SPATS1: variants seen among roughly 807,000 people sequenced by gnomAD.
SPATS1 encodes spermatogenesis-associated serine-rich protein 1.
A neutral mutation model predicts 33.6 loss-of-function variants in SPATS1; 23 were observed. That is an observed-to-expected ratio of 0.68 (90% CI 0.49 to 0.97). SPATS1 has a LOEUF of 0.97. Among genes scored for constraint, SPATS1 ranks in the 50% least tolerant of loss-of-function variants. The probability of loss-of-function intolerance (pLI) is 0.00; values close to 1 mark genes in which losing one functional copy is unlikely to be tolerated. For missense variants in SPATS1, 327 were observed against 361.0 expected, an observed-to-expected ratio of 0.91 and a Z score of 0.76; for synonymous variants, 131 against 125.6, an observed-to-expected ratio of 1.04 and a Z score of -0.29.
intron 2 of SPATS1, 30 bp downstream of exon 2, chr6:44,343,264 G>C (rs768465282): frequency 3.1e-6 from 5 of 1,612,404 alleles, no homozygotes; most frequent in Non-Finnish European, 4.2e-6. Flanking sequence ...AGGCTGTGGA[G>C]TTGGTGGCCA....
chr6:44,359,334 G>A (rs1315639502), intron 3 of SPATS1, among the ~76,000 whole-genome samples: 1 of 152,120 alleles, frequency 6.6e-6, no homozygotes, highest in Non-Finnish European at 1.5e-5. Context: ...CATCACCATT[G>A]TCTATTTTCA....
At chr6:44,362,201 T>C (rs1788965337) in intron 5 of SPATS1, among the ~76,000 whole-genome samples, 1 of 152,202 alleles carries the variant, frequency 6.6e-6, no homozygotes, top group Admixed American at 6.5e-5. Flanking sequence ...CCACATTTTC[T>C]TTTTTCTCTG....
At position 44,377,938 on chromosome 6, in the gene SPATS1, C is replaced by T. The variant is rs1345843144; in HGVS notation, c.*875C>T. ...TGCATTTTGGGGTGGGGAGGACAAA[C>T]ATTTAGACCATAGCAGTGAACTTTC... is the stretch of plus-strand genomic sequence containing the variant. On this transcript the variant is annotated 3_prime_UTR_variant, in exon 9 of 9. Transcript: ENST00000674044. 6.6e-6 allele frequency: 1 copy of T among 152,186 alleles called. No individual in the cohort carries two copies. The highest frequency in any genetic ancestry group is 2.4e-5 in the African/African-American group (1 of 41,442). The allele number at this position is 152,186 out of a possible 1,614,324, so 9.4% of individuals were successfully genotyped here.
At chr6:44,360,974 TATAA>T (rs546461931) in intron 4 of SPATS1, among the ~76,000 whole-genome samples, 1 of 152,188 alleles carries the variant, frequency 6.6e-6, no homozygotes, top group Non-Finnish European at 1.5e-5. Context: ...TACAAACTGG[TATAA>T]ATAGATCATG....
chr6:44,349,850 A>G (rs1431899273), intron 2 of SPATS1, among the ~76,000 whole-genome samples: 7 of 152,190 alleles, frequency 4.6e-5, no homozygotes, highest in African/African-American at 1.7e-4. Context: ...GCTTATGGAT[A>G]CTTTTTGGCT....
chr6:44,373,276 C>G (rs1332356001), intron 7 of SPATS1, among the ~76,000 whole-genome samples: 1 of 152,144 alleles, frequency 6.6e-6, no homozygotes, highest in Non-Finnish European at 1.5e-5. Context: ...GAATGTGCCT[C>G]CAGGCAAAGC....
intron 5 of SPATS1, among the ~76,000 whole-genome samples, chr6:44,365,366 A>G (rs1583090399): frequency 6.6e-6 from 1 of 152,322 alleles, no homozygotes. Flanking sequence ...TTCCCACAGT[A>G]CAGCATATTG....
At chr6:44,371,988 T>G (rs1163085193) in intron 7 of SPATS1, among the ~76,000 whole-genome samples, 2 of 149,180 alleles carry the variant, frequency 1.3e-5, no homozygotes, top group African/African-American at 5.0e-5. Context: ...CCGGGCATGA[T>G]GGCTCACTCC....
chr6:44,354,351 AAATAAATAAATAAATAAATAAATG>A (rs1309379696), intron 3 of SPATS1, among the ~76,000 whole-genome samples: 4 of 71,942 alleles, frequency 5.6e-5, no homozygotes, highest in African/African-American at 2.0e-4. Context: ...ATAAATAAAT[AAATAAATAAATAAATAAATAAATG>A]TCACTATAAT....
intron 7 of SPATS1, among the ~76,000 whole-genome samples, chr6:44,371,818 G>A (rs555042730): frequency 6.6e-5 from 10 of 151,708 alleles, no homozygotes; most frequent in Non-Finnish European, 7.4e-5. Flanking sequence ...GGTGGCAGGC[G>A]CCTGTGGTCC....
chr6:44,364,906 T>A (rs1449522005), intron 5 of SPATS1, among the ~76,000 whole-genome samples: 3 of 152,070 alleles, frequency 2.0e-5, no homozygotes, highest in African/African-American at 7.2e-5. Context: ...CAAGCAATTC[T>A]CATGTCTCAG....
At position 44,379,599 on chromosome 6, in the gene SPATS1, CAAAAAAAAAA is replaced by C. The variant is rs55976441; in HGVS notation, c.*2555_*2564del. Among the ~76,000 whole-genome samples, 7 of 54,744 alleles carry C rather than the reference CAAAAAAAAAA, an allele frequency of 1.3e-4. No individual in the cohort carries two copies. The highest frequency in any genetic ancestry group is 9.3e-5 in the Non-Finnish European group (3 of 32,098). 35.9% of individuals were successfully genotyped at this position (54,744 alleles called of 152,430 possible). A position where few individuals can be genotyped will look rare whatever the true frequency, so the allele number is the denominator to read the frequency against. ...TGGGCAACAGAGTGAGACTCTGTCT[CAAAAAAAAAA>C]AAAAAAAAAAAAAAAAAAGAAAGAA... On this transcript the variant is annotated 3_prime_UTR_variant, in exon 9 of 9. Coordinates refer to ENST00000674044, the MANE Select transcript of SPATS1 (RefSeq NM_001372081.1).
rs1166090060 is a variant in SPATS1 at position 44,369,776 on chromosome 6, G to T, written c.696-275G>T. Among the ~76,000 whole-genome samples, 3 of 152,154 alleles carry T rather than the reference G, an allele frequency of 2.0e-5. No individual in the cohort carries two copies. In the East Asian group the frequency reaches 5.8e-4, roughly 29 times the overall value. ...AATCCCAGCTACTTGGGAGGCTGAG[G>T]TGGGAGGATCACCTGAGCCTGAAAG... is the stretch of plus-strand genomic sequence containing the variant. On this transcript the variant is annotated intron_variant, in intron 6 of 8. Coordinates refer to ENST00000674044, the MANE Select transcript of SPATS1 (RefSeq NM_001372081.1).
At chr6:44,362,071 T>C in intron 5 of SPATS1, 79 bp downstream of exon 5, 12 of 1,563,862 alleles carry the variant, frequency 7.7e-6, no homozygotes, top group Non-Finnish European at 1.1e-5. Context: ...CTGCATTCTG[T>C]AGCTGGGGGC....
intron 1 of SPATS1, 95 bp downstream of exon 1, chr6:44,342,863 T>C: frequency 7.7e-7 from 1 of 1,297,242 alleles, no homozygotes; most frequent in Non-Finnish European, 1.1e-6. Flanking sequence ...TTGAGCTGGA[T>C]GGGGGCTGCA....
At chr6:44,376,787 C>A (rs529028937) in intron 8 of SPATS1, among the ~76,000 whole-genome samples, 2 of 151,936 alleles carry the variant, frequency 1.3e-5, no homozygotes, top group African/African-American at 4.8e-5. Context: ...GGCAACAGAG[C>A]GAAACTTTGC....
At chr6:44,342,903 C>A in intron 1 of SPATS1, 135 bp downstream of exon 1, 1 of 1,260,200 alleles carries the variant, frequency 7.9e-7, no homozygotes, top group Non-Finnish European at 1.1e-6. Context: ...GGGGCGGACT[C>A]GCTGGGGCTC....
Position 44,343,116 on chromosome 6 carries a change from T to C in SPATS1, c.21T>C (p.Thr7=). The C allele has an allele frequency of 6.2e-7, 1 of 1,614,114 alleles. No homozygotes were observed. Among genetic ancestry groups the C allele is most frequent in the South Asian group, 1.1e-5 (1 of 91,086 alleles). The change falls in exon 2 of 9, where the codon ACT becomes ACC. Residue 7 remains threonine (T), a synonymous_variant. Transcript: ENST00000674044. The part of the protein sequence containing the change: MSPSML[T]GNSPRGCRLP... Reference sequence around the variant, plus strand: ...CACAGATGAGTCCATCCATGCTCACTGGAAACAGTCCACGGGGCTGCCGTC... The same window carrying C: ...CACAGATGAGTCCATCCATGCTCACCGGAAACAGTCCACGGGGCTGCCGTC...
rs548419642 is a variant in SPATS1, at chr6:44,372,055, A to G, written c.758+1942A>G. The stretch of plus-strand genomic sequence containing the variant: ...GGCAGATTGAGGTCAAGAGATCAAG[A>G]CCATCCTGGCCAACATGGTGAGACC... On this transcript the variant is annotated intron_variant, in intron 7 of 8. Transcript: ENST00000674044. Among the ~76,000 whole-genome samples the G allele has an allele frequency of 2.4e-3, 367 of 151,858 alleles. 1 individual carries two copies. The highest frequency in any genetic ancestry group is 4.5e-3 in the Non-Finnish European group (304 of 67,954).
Sources: gnomAD v4.1 joint callset for allele counts (sites outside exome capture counted in the v4.1 genomes callset) on GRCh38, gnomAD v4.1.1 for gene constraint, MANE v1.5 for transcripts, NCBI Gene and HGNC (gene_info 2026-07-23, HGNC 2026-07-21) for gene names.